The following ARMH1 variants were observed in gnomAD, a reference collection of about 807,000 sequenced individuals.
ARMH1 encodes the protein armadillo like helical domain containing 1.
ARMH1 carries 34 observed loss-of-function variants against 50.2 expected under a neutral mutation model. The observed-to-expected ratio is 0.68, with a 90% CI of 0.51 to 0.90. The LOEUF (loss-of-function observed/expected upper bound fraction) is 0.90, where lower values mean the gene tolerates loss of function less well. ARMH1 is among the 40% of genes least tolerant of loss of function. The pLI, the probability that ARMH1 is intolerant of heterozygous loss-of-function variation, is 0.00. For missense variants in ARMH1, 538 were observed against 553.9 expected, an observed-to-expected ratio of 0.97 and a Z score of 0.29; for synonymous variants, 221 against 224.2, an observed-to-expected ratio of 0.99 and a Z score of 0.13.
chr1:44,689,197 G>A (rs560480446), intron 1 of ARMH1: 2 of 157,966 alleles, frequency 1.3e-5, no homozygotes, highest in Admixed American at 1.2e-4. Flanking sequence ...CAAGAGCTGG[G>A]ATTACAGGTG....
intron 1 of ARMH1, among the ~76,000 whole-genome samples, chr1:44,678,546 A>AG (rs1645207536): frequency 6.6e-6 from 1 of 152,090 alleles, no homozygotes; most frequent in African/African-American, 2.4e-5. Flanking sequence ...GAGAGAAATA[A>AG]GGACACCTTG....
In ARMH1 at chr1:44,725,477, C is replaced by A; in HGVS notation, c.*74C>A. 1 of 1,449,454 alleles carries A rather than the reference C, an allele frequency of 6.9e-7. No homozygotes were observed. Among genetic ancestry groups the A allele is most frequent in the South Asian group, 1.2e-5 (1 of 81,090 alleles). The allele number at this position is 1,449,454 out of a possible 1,614,324, so 89.8% of individuals were successfully genotyped here. ...CTGGCAAGAGGAAGGCGCCTGGGGT[C>A]AAGCTCAGAGCCACTCCACTTGGCT... On this transcript the variant is annotated 3_prime_UTR_variant, in exon 12 of 12. Transcript: ENST00000535358.
chr1:44,701,011 C>T lies in ARMH1; in HGVS notation c.531C>T (p.His177=), dbSNP rs76132381. The T allele has an allele frequency of 0.015, 23,650 of 1,551,550 alleles. 240 individuals are homozygous for T. The highest frequency in any genetic ancestry group is 0.019 in the Non-Finnish European group (21,373 of 1,146,952). Residue 177 remains histidine, a synonymous_variant, in exon 5 of 12, where the codon CAC becomes CAT. Coordinates refer to ENST00000535358, the MANE Select transcript of ARMH1 (RefSeq NM_001145636.2). ...EVQVLLDSLV[H]GNPKYQNQVY... is the part of the protein sequence containing the mutation. Reference sequence around the variant, plus strand: ...AGGTTCTGTTGGATTCTTTGGTCCACGGCAATCCCAAGTACCAAAATCAAG... The same window carrying T: ...AGGTTCTGTTGGATTCTTTGGTCCATGGCAATCCCAAGTACCAAAATCAAG...
At chr1:44,684,815 C>T (rs1392165159) in intron 1 of ARMH1, among the ~76,000 whole-genome samples, 1 of 152,124 alleles carries the variant, frequency 6.6e-6, no homozygotes, top group African/African-American at 2.4e-5. Flanking sequence ...ACAGGGACCT[C>T]AGGCAGGGCT....
Position 44,686,808 on chromosome 1 carries a change from G to GC in ARMH1, c.-22-2867dup. Among the ~76,000 whole-genome samples, 2 of 152,238 alleles carry GC rather than the reference G, an allele frequency of 1.3e-5. 1 individual carries two copies. Among genetic ancestry groups the GC allele is most frequent in the Middle Eastern group, 6.8e-3 (2 of 294 alleles). On this transcript the variant is annotated intron_variant, in intron 1 of 11. Coordinates refer to ENST00000535358, the MANE Select transcript of ARMH1 (RefSeq NM_001145636.2). ...ACTGATTCCTCCACTGGGCAAGGTGGCATGCGCCTGTAGCCCCAGCTACTC... is the reference window on the plus strand; with the variant it reads ...ACTGATTCCTCCACTGGGCAAGGTGGCCATGCGCCTGTAGCCCCAGCTACTC...
chr1:44,677,484 G>GA (rs111652073), intron 1 of ARMH1, among the ~76,000 whole-genome samples: 7 of 151,994 alleles, frequency 4.6e-5, no homozygotes, highest in South Asian at 2.1e-4. Context: ...ATAGGAGAGT[G>GA]AAAAAAAATG....
intron 2 of ARMH1, 144 bp downstream of exon 2, chr1:44,690,047 G>A (rs1645609259): frequency 7.1e-6 from 5 of 703,522 alleles, no homozygotes; most frequent in South Asian, 3.8e-5. Context: ...GTGAAACCCT[G>A]TCTCTACTAA....
At chr1:44,693,910 C>G (rs1299193728) in intron 2 of ARMH1, among the ~76,000 whole-genome samples, 1 of 152,204 alleles carries the variant, frequency 6.6e-6, no homozygotes, top group African/African-American at 2.4e-5. Context: ...CCACTGCCCC[C>G]TCTTAAGCTG....
At chr1:44,705,482 G>T (rs1646302096) in intron 6 of ARMH1, among the ~76,000 whole-genome samples, 1 of 151,498 alleles carries the variant, frequency 6.6e-6, no homozygotes, top group South Asian at 2.1e-4. Flanking sequence ...GACAGAGCAA[G>T]ATTCTGTCTC....
At position 44,724,295 on chromosome 1, in the gene ARMH1, T is replaced by G; in HGVS notation, c.848-25T>G. 1 of 1,550,882 alleles carries G rather than the reference T, an allele frequency of 6.4e-7. No homozygotes were observed. The highest frequency in any genetic ancestry group is 8.7e-7 in the Non-Finnish European group (1 of 1,146,430). ...CCTGGGCCACGGGAGGGCGGTCTCT[T>G]GCCTCACGGCTGCCCCCTCCTCAGA... On this transcript the variant is annotated intron_variant, in intron 7 of 11. Transcript: ENST00000535358. This position sits in a 1 kb window ranked among gnomAD's most constrained non-coding sequence, Gnocchi z 6.4.
intron 6 of ARMH1, among the ~76,000 whole-genome samples, chr1:44,711,399 G>A (rs77796932): frequency 0.015 from 2,343 of 152,318 alleles, 25 homozygotes; most frequent in Non-Finnish European, 0.022. Context: ...CTTAGTGGAT[G>A]CGAAGTGCAT....
At chr1:44,687,706 A>C (rs1395288028) in intron 1 of ARMH1, among the ~76,000 whole-genome samples, 1 of 152,138 alleles carries the variant, frequency 6.6e-6, no homozygotes, top group African/African-American at 2.4e-5. Flanking sequence ...TGCATCTCCC[A>C]CGGTACCTTA....
chr1:44,711,025 C>T (rs1398127018), intron 6 of ARMH1, among the ~76,000 whole-genome samples: 1 of 152,214 alleles, frequency 6.6e-6, no homozygotes, highest in Non-Finnish European at 1.5e-5. Flanking sequence ...TGCATCAGTA[C>T]TTCATTCCTT....
At chr1:44,720,785 C>G (rs147106580) in intron 6 of ARMH1, among the ~76,000 whole-genome samples, 1 of 152,248 alleles carries the variant, frequency 6.6e-6, no homozygotes, top group Non-Finnish European at 1.5e-5. Context: ...CCTGTAATCC[C>G]AGCACTTTCG....
At chr1:44,722,054 A>T (rs1647321305) in intron 6 of ARMH1, among the ~76,000 whole-genome samples, 1 of 152,118 alleles carries the variant, frequency 6.6e-6, no homozygotes, top group African/African-American at 2.4e-5. Context: ...CAAAGAAAAA[A>T]AGTTTAAATA....
chr1:44,689,570 T>A, intron 1 of ARMH1, 106 bp from the exon 2 acceptor site: 2 of 856,154 alleles, frequency 2.3e-6, no homozygotes, highest in Non-Finnish European at 3.7e-6. Context: ...CTACATCCAT[T>A]TGCATGATAA....
chr1:44,679,397 A>T (rs1290336382), intron 1 of ARMH1, among the ~76,000 whole-genome samples: 1 of 152,226 alleles, frequency 6.6e-6, no homozygotes, highest in Non-Finnish European at 1.5e-5. Flanking sequence ...GCCATTTTCC[A>T]TTAGTGCTAA....
At chr1:44,721,881 T>C (rs557136043) in intron 6 of ARMH1, 2 of 152,298 alleles carry the variant, frequency 1.3e-5, no homozygotes, top group South Asian at 2.1e-4. Context: ...GATTTATTCG[T>C]TATGAAGAGA....
chr1:44,717,640 A>G (rs1646908537), intron 6 of ARMH1, among the ~76,000 whole-genome samples: 1 of 152,240 alleles, frequency 6.6e-6, no homozygotes, highest in African/African-American at 2.4e-5. Context: ...ATTAGATCTT[A>G]GTCCTCTTCA....
Sources: allele counts gnomAD v4.1 joint callset (sites outside exome capture counted in the v4.1 genomes callset), GRCh38; gene constraint gnomAD v4.1.1; non-coding constraint Gnocchi (gnomAD v3.1); transcripts MANE v1.5; gene names NCBI Gene and HGNC (gene_info 2026-07-23, HGNC 2026-07-21).